The following ACSL3 variants were observed in gnomAD, a reference collection of about 807,000 sequenced individuals.
ACSL3 encodes the protein fatty acid CoA ligase Acsl3.
A neutral mutation model predicts 84.7 loss-of-function variants in ACSL3; 34 were observed. That is an observed-to-expected ratio of 0.40 (90% CI 0.31 to 0.53). The LOEUF (loss-of-function observed/expected upper bound fraction) is 0.53, where lower values mean the gene tolerates loss of function less well. ACSL3 is among the 20% of genes least tolerant of loss of function. The pLI, the probability that ACSL3 is intolerant of heterozygous loss-of-function variation, is 0.48. For missense variants in ACSL3, 680 were observed against 873.1 expected, an observed-to-expected ratio of 0.78 and a Z score of 2.79; for synonymous variants, 315 against 299.4, an observed-to-expected ratio of 1.05 and a Z score of -0.54.
chr2:222,924,363 C>A, intron 10 of ACSL3, 93 bp from the exon 11 acceptor site: 1 of 1,176,900 alleles, frequency 8.5e-7, no homozygotes, highest in Non-Finnish European at 1.1e-6. Flanking sequence ...TTTAAAATGC[C>A]TTAATATTGC....
intron 1 of ACSL3, among the ~76,000 whole-genome samples, chr2:222,879,813 A>G (rs1695544825): frequency 6.6e-6 from 1 of 152,170 alleles, no homozygotes; most frequent in Non-Finnish European, 1.5e-5. Context: ...TCCCTTCCCA[A>G]CAGTCGTAGG....
chr2:222,943,085 C>CAAAAAAAA lies in ACSL3; in HGVS notation c.*1438_*1445dup, dbSNP rs11331027. ...ACTGTAGGCATCAAAAGGCAAAAAT[C>CAAAAAAAA]AAAAAAAAAAAAAACAAAAACAAAA... On this transcript the variant is annotated 3_prime_UTR_variant, in exon 17 of 17. Transcript: ENST00000357430. 1 of 188,384 alleles carries CAAAAAAAA rather than the reference C, an allele frequency of 5.3e-6. No homozygotes were observed. Among genetic ancestry groups the CAAAAAAAA allele is most frequent in the African/African-American group, 2.5e-5 (1 of 40,102 alleles). The allele number at this position is 188,384 out of a possible 1,614,324, so 11.7% of individuals were successfully genotyped here.
chr2:222,920,095 G>A (rs548843667), intron 7 of ACSL3, among the ~76,000 whole-genome samples: 138 of 152,282 alleles, frequency 9.1e-4, no homozygotes, highest in Non-Finnish European at 1.9e-4. Context: ...TCATCAGCAG[G>A]ATCAGGGGCT....
At chr2:222,924,101 C>T (rs950130073) in intron 10 of ACSL3, among the ~76,000 whole-genome samples, 4 of 151,980 alleles carry the variant, frequency 2.6e-5, no homozygotes, top group Non-Finnish European at 5.9e-5. Context: ...GACGGTTGTT[C>T]GTTTATTTTG....
intron 1 of ACSL3, among the ~76,000 whole-genome samples, chr2:222,863,872 C>T (rs924112750): frequency 5.3e-5 from 8 of 152,162 alleles, no homozygotes; most frequent in Middle Eastern, 3.4e-3. Context: ...TGCAAAACAC[C>T]GTCCTAGGGG....
intron 5 of ACSL3, 193 bp downstream of exon 5, chr2:222,916,689 T>C (rs1445631190): frequency 5.7e-6 from 3 of 530,148 alleles, no homozygotes; most frequent in Non-Finnish European, 9.2e-6. Context: ...TACCAATCAG[T>C]GTTGCAGTGA....
Position 222,897,639 on chromosome 2 carries a change from A to G in ACSL3, c.-147-3035A>G, listed in dbSNP as rs1275762857. On this transcript the variant is annotated intron_variant, in intron 2 of 16. Transcript: ENST00000357430. ...CACTCCAGCCTTGGCACCATTGAGC[A>G]CTGAGTGAACGAGACTCCGTCTGCC... Among the ~76,000 whole-genome samples, 4 of 37,496 alleles carry G rather than the reference A, an allele frequency of 1.1e-4. 2 individuals are homozygous for G. Among genetic ancestry groups the G allele is most frequent in the Non-Finnish European group, 1.7e-4 (4 of 24,064 alleles). 24.6% of individuals were successfully genotyped at this position (37,496 alleles called of 152,430 possible). A position where few individuals can be genotyped will look rare whatever the true frequency, so the allele number is the denominator to read the frequency against.
intron 4 of ACSL3, among the ~76,000 whole-genome samples, chr2:222,909,371 TC>T (rs1224689067): frequency 1.3e-5 from 2 of 152,084 alleles, no homozygotes; most frequent in Non-Finnish European, 2.9e-5. Flanking sequence ...GTGGAGCTCT[TC>T]CCCAGTGTCT....
intron 10 of ACSL3, among the ~76,000 whole-genome samples, chr2:222,923,645 A>G (rs1319255255): frequency 6.6e-6 from 1 of 152,192 alleles, no homozygotes; most frequent in East Asian, 1.9e-4. Context: ...GGAATAAGAC[A>G]AGGGAAATGG....
At chr2:222,913,530 G>A (rs1322918858) in intron 4 of ACSL3, among the ~76,000 whole-genome samples, 1 of 152,180 alleles carries the variant, frequency 6.6e-6, no homozygotes, top group South Asian at 2.1e-4. Context: ...AAAATCAGGG[G>A]TGTCTGATTT....
rs530092192 is a variant in ACSL3 at position 222,885,390 on chromosome 2, A to G, written c.-206-2440A>G. On this transcript the variant is annotated intron_variant, in intron 1 of 16. Coordinates refer to ENST00000357430, the MANE Select transcript of ACSL3 (RefSeq NM_004457.5). ...TTGCCAACACTTGTGAATTTTTTTC[A>G]TTAAAAAAATTTTAATGTAGGAAAT... Among the ~76,000 whole-genome samples, 6 of 152,278 alleles carry G rather than the reference A, an allele frequency of 3.9e-5. No homozygotes were observed. In the Middle Eastern group the frequency reaches 0.01, roughly 259 times the overall value.
chr2:222,927,158 T>C lies in ACSL3; in HGVS notation c.1434T>C (p.Thr478=). The C allele has an allele frequency of 6.2e-7, 1 of 1,614,048 alleles. No individual in the cohort carries two copies. The highest frequency in any genetic ancestry group is 8.5e-7 in the Non-Finnish European group (1 of 1,179,906). Residue 478 remains threonine, a synonymous_variant, in exon 12 of 17, where the codon ACT becomes ACC. Transcript: ENST00000357430. ...CCPVGQGYGL[T]ESAGAGTISE... ...CTGTTGGTCAGGGATACGGGCTCAC[T>C]GAATCTGCTGGGGCTGGAACAATTT... is the stretch of plus-strand genomic sequence containing the variant.
In ACSL3 at chr2:222,894,147, A is replaced by G. The variant is rs576605019; in HGVS notation, c.-148+6259A>G. 7.4e-4 allele frequency among the ~76,000 whole-genome samples: 112 copies of G among 152,354 alleles called. No homozygotes were observed. In the South Asian group the frequency reaches 0.022, roughly 30 times the overall value. On this transcript the variant is annotated intron_variant, in intron 2 of 16. Coordinates refer to ENST00000357430, the MANE Select transcript of ACSL3 (RefSeq NM_004457.5). ...CATCCACTTCATACCTTTTGGAAGT[A>G]TATCATTTGAAAGTGATTTCCTGGC... is the stretch of plus-strand genomic sequence containing the variant.
intron 3 of ACSL3, among the ~76,000 whole-genome samples, chr2:222,908,060 G>A (rs554427780): frequency 6.6e-6 from 1 of 152,274 alleles, no homozygotes; most frequent in South Asian, 2.1e-4. Context: ...GCACGAGAGT[G>A]GGAACTTAGG....
chr2:222,894,547 A>G (rs1425197966), intron 2 of ACSL3, among the ~76,000 whole-genome samples: 2 of 152,226 alleles, frequency 1.3e-5, no homozygotes, highest in African/African-American at 4.8e-5. Context: ...TAATGCTGTT[A>G]AACTTAATTC....
intron 1 of ACSL3, among the ~76,000 whole-genome samples, chr2:222,878,593 C>G (rs1695514697): frequency 6.6e-6 from 1 of 152,134 alleles, no homozygotes. Context: ...CTGAGGAATT[C>G]TGTGTTCTAT....
At chr2:222,901,972 A>G (rs908773098) in intron 3 of ACSL3, among the ~76,000 whole-genome samples, 2 of 136,746 alleles carry the variant, frequency 1.5e-5, no homozygotes, top group Non-Finnish European at 3.2e-5. Context: ...AAAGAACTCA[A>G]ATATTGTTGA....
chr2:222,928,971 TTAAAG>T, intron 13 of ACSL3, 35 bp downstream of exon 13: 1 of 1,561,450 alleles, frequency 6.4e-7, no homozygotes, highest in Non-Finnish European at 8.8e-7. Flanking sequence ...GCATTAATTT[TTAAAG>T]TATTAAACTT....
Position 222,866,866 on chromosome 2 carries a change from G to C in ACSL3, c.-207+5608G>C, listed in dbSNP as rs202074190. 6.4e-5 allele frequency among the ~76,000 whole-genome samples: 8 copies of C among 125,676 alleles called. No individual in the cohort carries two copies. In the East Asian group the frequency reaches 1.9e-3, roughly 30 times the overall value. 82.4% of individuals were successfully genotyped at this position (125,676 alleles called of 152,430 possible). On this transcript the variant is annotated intron_variant, in intron 1 of 16. Transcript: ENST00000357430. ...TTTTTTTTTTTTGAGACAGAGTCTT[G>C]CTCTGTCACCTATGCTGGAGTGCAG...
Sources: allele counts gnomAD v4.1 joint callset (sites outside exome capture counted in the v4.1 genomes callset), GRCh38; gene constraint gnomAD v4.1.1; transcripts MANE v1.5; gene names NCBI Gene and HGNC (gene_info 2026-07-23, HGNC 2026-07-21).